Variants in NREP observed in about 807,000 individuals in gnomAD.
NREP encodes the protein neuronal regeneration related protein.
NREP carries 5 observed loss-of-function variants against 8.6 expected under a neutral mutation model. The observed-to-expected ratio is 0.58, with a 90% CI of 0.30 to 1.22. NREP has a LOEUF of 1.22. Ranked by LOEUF, NREP falls within the 50% of genes most tolerant of loss-of-function variation. The pLI is 0.07. For missense variants in NREP, 86 were observed against 82.5 expected (o/e 1.04, Z -0.17); for synonymous variants, 27 against 28.0 (o/e 0.96, Z 0.11).
intron 2 of NREP, among the ~76,000 whole-genome samples, chr5:111,812,285 TCAAACAAACAAA>T (rs139562751): frequency 9.2e-5 from 14 of 151,600 alleles, no homozygotes; most frequent in South Asian, 4.2e-4. Flanking sequence ...AGACCCTGTC[TCAAACAAACAAA>T]CAAACAAACA....
chr5:111,910,647 A>G (rs866254175), intron 2 of NREP, among the ~76,000 whole-genome samples: 22 of 152,142 alleles, frequency 1.4e-4, no homozygotes, highest in Middle Eastern at 3.4e-3. Flanking sequence ...GGGCACTATC[A>G]AAGCACCAGG....
chr5:111,872,816 G>A (rs1287413936), intron 2 of NREP, among the ~76,000 whole-genome samples: 1 of 152,138 alleles, frequency 6.6e-6, no homozygotes, highest in Non-Finnish European at 1.5e-5. Flanking sequence ...AGCAAGTTTT[G>A]AGAGGAAGTA....
intron 2 of NREP, among the ~76,000 whole-genome samples, chr5:111,911,179 G>A (rs183361127): frequency 1.1e-4 from 16 of 150,920 alleles, no homozygotes; most frequent in Non-Finnish European, 1.9e-4. Context: ...ATATCACCCC[G>A]GCACCCAGCA....
intron 3 of NREP, among the ~76,000 whole-genome samples, chr5:111,731,420 T>C (rs925238763): frequency 1.3e-5 from 1 of 78,356 alleles, no homozygotes. Flanking sequence ...GGAGTGTCAG[T>C]TGATAATTAT....
chr5:111,881,077 G>A (rs568642490), intron 2 of NREP, among the ~76,000 whole-genome samples: 197 of 152,356 alleles, frequency 1.3e-3, no homozygotes, highest in African/African-American at 4.6e-3. Flanking sequence ...CCTAGTCAAA[G>A]AAAGTGGTGA....
chr5:111,811,750 T>A (rs367827947), intron 2 of NREP, among the ~76,000 whole-genome samples: 2 of 152,326 alleles, frequency 1.3e-5, no homozygotes, highest in East Asian at 1.9e-4. Flanking sequence ...TTGCAGGTTT[T>A]TTTTAAATTT....
chr5:111,906,526 G>T (rs1754783325), intron 2 of NREP, among the ~76,000 whole-genome samples: 1 of 152,014 alleles, frequency 6.6e-6, no homozygotes, highest in Non-Finnish European at 1.5e-5. Context: ...TAATGCTAGT[G>T]TACAACATTG....
chr5:111,807,626 G>T (rs957180986), intron 2 of NREP, among the ~76,000 whole-genome samples: 1 of 152,066 alleles, frequency 6.6e-6, no homozygotes, highest in African/African-American at 2.4e-5. Context: ...TAGAGTGAAA[G>T]GTAGTTGCTT....
intron 2 of NREP, among the ~76,000 whole-genome samples, chr5:111,801,549 A>T (rs1431342799): frequency 6.6e-6 from 1 of 152,112 alleles, no homozygotes; most frequent in East Asian, 1.9e-4. Flanking sequence ...GAAGGTAGAG[A>T]GTGTTGGCAG....
At chr5:111,868,212 G>T (rs1392064474) in intron 2 of NREP, among the ~76,000 whole-genome samples, 4 of 152,114 alleles carry the variant, frequency 2.6e-5, no homozygotes, top group Non-Finnish European at 1.5e-5. Context: ...TCAGTCTCCA[G>T]TGTCTTTCCA....
chr5:111,784,421 T>C (rs1751562504), intron 2 of NREP, among the ~76,000 whole-genome samples: 1 of 152,104 alleles, frequency 6.6e-6, no homozygotes, highest in African/African-American at 2.4e-5. Context: ...TTGCCTCATA[T>C]GGGGGAAAAA....
At chr5:111,965,983 C>A (rs1186178818) in intron 2 of NREP, among the ~76,000 whole-genome samples, 1 of 152,068 alleles carries the variant, frequency 6.6e-6, no homozygotes, top group African/African-American at 2.4e-5. Flanking sequence ...AGGCTGCAAC[C>A]GTGATGTGAA....
chr5:111,757,691 G>A (rs2112858044), upstream of NREP: 4 of 984,162 alleles, frequency 4.1e-6, no homozygotes, highest in Admixed American at 2.5e-4. Context: ...CGGCGCCCCG[G>A]GGAGACAAAG....
chr5:111,885,116 C>A (rs1426306174), intron 2 of NREP, among the ~76,000 whole-genome samples: 1 of 152,086 alleles, frequency 6.6e-6, no homozygotes, highest in Non-Finnish European at 1.5e-5. Flanking sequence ...TGATAAGCAA[C>A]TTCAGCAAAG....
intron 2 of NREP, among the ~76,000 whole-genome samples, chr5:111,933,398 G>T: frequency 6.6e-6 from 1 of 152,094 alleles, no homozygotes; most frequent in East Asian, 1.9e-4. Flanking sequence ...GAAAATAAAT[G>T]GAATTATGGA....
intron 2 of NREP, among the ~76,000 whole-genome samples, chr5:111,797,906 C>T (rs1751910010): frequency 6.6e-6 from 1 of 152,040 alleles, no homozygotes; most frequent in Non-Finnish European, 1.5e-5. Flanking sequence ...AAGGGGAGAA[C>T]AAAGAAATGT....
At chr5:111,950,828 T>C (rs1467472247) in intron 2 of NREP, among the ~76,000 whole-genome samples, 1 of 152,020 alleles carries the variant, frequency 6.6e-6, no homozygotes, top group East Asian at 1.9e-4. Flanking sequence ...CTAGGGACTT[T>C]TAAATCATAA....
chr5:111,942,949 T>C (rs190855311), intron 2 of NREP, among the ~76,000 whole-genome samples: 50 of 152,060 alleles, frequency 3.3e-4, no homozygotes, highest in African/African-American at 1.2e-3. Flanking sequence ...GTTAAAGCAC[T>C]AAGAACAGCA....
intron 2 of NREP, among the ~76,000 whole-genome samples, chr5:111,870,552 T>C (rs1438269104): frequency 6.6e-6 from 1 of 152,236 alleles, no homozygotes; most frequent in Non-Finnish European, 1.5e-5. Context: ...CTTCGGTATG[T>C]CTGGATTGGT....
Sources: gnomAD v4.1 joint callset for allele counts (sites outside exome capture counted in the v4.1 genomes callset) on GRCh38, gnomAD v4.1.1 for gene constraint, MANE v1.5 for transcripts, NCBI Gene and HGNC (gene_info 2026-07-23, HGNC 2026-07-21) for gene names.